Variants in DIS3L2 observed in about 807,000 individuals in gnomAD.
DIS3L2 encodes the protein DIS3-like exonuclease 2.
Under a neutral mutation model 97.5 loss-of-function variants are expected in DIS3L2, and 34 were observed. The ratio of observed to expected loss-of-function variants is 0.35; its 90% CI spans 0.27 to 0.46. The LOEUF (loss-of-function observed/expected upper bound fraction) is 0.46, where lower values mean the gene tolerates loss of function less well. Among genes scored for constraint, DIS3L2 ranks in the 20% least tolerant of loss-of-function variants. The pLI is 1.00. For synonymous variants in DIS3L2, 435 were observed against 445.2 expected (o/e 0.98, Z 0.29); for missense variants, 1,038 against 1,146.0 (o/e 0.91, Z 1.36).
At chr2:232,333,073 A>G (rs1695794799) in intron 16 of DIS3L2, among the ~76,000 whole-genome samples, 1 of 150,480 alleles carries the variant, frequency 6.6e-6, no homozygotes, top group African/African-American at 2.4e-5. Flanking sequence ...CCCTGGTCCA[A>G]CAAAACCGCA....
At chr2:232,253,521 G>T (rs1413765157) in intron 12 of DIS3L2, among the ~76,000 whole-genome samples, 1 of 152,162 alleles carries the variant, frequency 6.6e-6, no homozygotes, top group Non-Finnish European at 1.5e-5. Context: ...TAAAAAGACA[G>T]TTATTAATTC....
At chr2:232,170,175 G>C (rs1031875002) in intron 9 of DIS3L2, among the ~76,000 whole-genome samples, 3 of 152,150 alleles carry the variant, frequency 2.0e-5, no homozygotes, top group Admixed American at 1.3e-4. Context: ...CTGCTTAAAG[G>C]GGGGTTGCAC....
chr2:232,244,903 C>T (rs973313471), intron 11 of DIS3L2, among the ~76,000 whole-genome samples: 3 of 152,156 alleles, frequency 2.0e-5, no homozygotes, highest in Admixed American at 6.5e-5. Flanking sequence ...CACCTCCACA[C>T]GGCCCAGCAG....
intron 10 of DIS3L2, among the ~76,000 whole-genome samples, chr2:232,234,203 A>G (rs1692873384): frequency 6.6e-6 from 1 of 152,240 alleles, no homozygotes; most frequent in South Asian, 2.1e-4. Flanking sequence ...TAACTGGAAA[A>G]GTGACTGAAA....
chr2:232,336,184 G>C, intron 20 of DIS3L2: 1 of 1,533,556 alleles, frequency 6.5e-7, no homozygotes, highest in Non-Finnish European at 8.8e-7. Flanking sequence ...TTACACCCAA[G>C]AAATTGTCTG....
chr2:232,310,511 A>G (rs1337647842), intron 14 of DIS3L2, among the ~76,000 whole-genome samples: 1 of 152,216 alleles, frequency 6.6e-6, no homozygotes, highest in Non-Finnish European at 1.5e-5. Flanking sequence ...GTGGCTCTCT[A>G]TGCTCTGCTC....
chr2:232,205,907 A>G (rs1052528106), intron 9 of DIS3L2, among the ~76,000 whole-genome samples: 1 of 152,206 alleles, frequency 6.6e-6, no homozygotes, highest in African/African-American at 2.4e-5. Flanking sequence ...TACTGCATCA[A>G]CTTCCCCCAT....
chr2:232,259,720 G>A (rs190425616), intron 12 of DIS3L2: 14 of 152,320 alleles, frequency 9.2e-5, no homozygotes, highest in African/African-American at 3.4e-4. Context: ...CCAGACTCAA[G>A]CAATTCTCAT....
chr2:231,988,898 T>G (rs1693497758), intron 1 of DIS3L2, among the ~76,000 whole-genome samples: 1 of 152,244 alleles, frequency 6.6e-6, no homozygotes, highest in Non-Finnish European at 1.5e-5. Context: ...TTATTTGAAC[T>G]GATATGAACC....
intron 1 of DIS3L2, among the ~76,000 whole-genome samples, chr2:231,994,503 G>A (rs1036854659): frequency 6.6e-6 from 1 of 152,098 alleles, no homozygotes; most frequent in Non-Finnish European, 1.5e-5. Context: ...GTCTACTAGT[G>A]TCAACAGCTT....
intron 6 of DIS3L2, among the ~76,000 whole-genome samples, chr2:232,107,401 A>G (rs1481190418): frequency 6.6e-6 from 1 of 152,176 alleles, no homozygotes; most frequent in East Asian, 1.9e-4. Flanking sequence ...AAATACAATC[A>G]GAAATGATAA....
chr2:232,134,868 T>C (rs1270282851), intron 7 of DIS3L2, among the ~76,000 whole-genome samples: 1 of 145,256 alleles, frequency 6.9e-6, no homozygotes, highest in Non-Finnish European at 1.5e-5. Context: ...GTATTGTGTG[T>C]GCGCACACAC....
intron 13 of DIS3L2, chr2:232,343,298 A>G: frequency 6.6e-7 from 1 of 1,510,234 alleles, no homozygotes; most frequent in Non-Finnish European, 9.0e-7. Flanking sequence ...AGGCCTAGCC[A>G]CATGAAACCG....
intron 5 of DIS3L2, among the ~76,000 whole-genome samples, chr2:232,072,644 C>T (rs1696055744): frequency 6.6e-6 from 1 of 152,070 alleles, no homozygotes; most frequent in Non-Finnish European, 1.5e-5. Flanking sequence ...TGGGAATAGA[C>T]TGAAAGGAGG....
chr2:232,141,184 A>G (rs1489005595), intron 8 of DIS3L2, among the ~76,000 whole-genome samples: 1 of 150,136 alleles, frequency 6.7e-6, no homozygotes, highest in Non-Finnish European at 1.5e-5. Flanking sequence ...CCCTTTGGGA[A>G]ATCTGGTATC....
chr2:232,077,755 A>G (rs1365638090), intron 5 of DIS3L2, among the ~76,000 whole-genome samples: 1 of 152,148 alleles, frequency 6.6e-6, no homozygotes, highest in African/African-American at 2.4e-5. Context: ...TTGCAGGTCT[A>G]TGGAGAAACC....
chr2:232,002,571 T>C (rs1693937514), intron 1 of DIS3L2, among the ~76,000 whole-genome samples: 1 of 152,222 alleles, frequency 6.6e-6, no homozygotes. Context: ...TAAGTAGAGT[T>C]AGCATAATTT....
At chr2:231,962,224 T>C (rs1391616552) in intron 1 of DIS3L2, among the ~76,000 whole-genome samples, 1 of 152,028 alleles carries the variant, frequency 6.6e-6, no homozygotes, top group Non-Finnish European at 1.5e-5. Flanking sequence ...GTCCTTGACG[T>C]TTGCGCTTTC....
intron 5 of DIS3L2, among the ~76,000 whole-genome samples, chr2:232,060,127 C>T (rs992451847): frequency 6.6e-6 from 1 of 152,074 alleles, no homozygotes; most frequent in African/African-American, 2.4e-5. Flanking sequence ...ATATTTTCTC[C>T]ATTTTGTGGG....
Sources: allele counts gnomAD v4.1 joint callset (sites outside exome capture counted in the v4.1 genomes callset), GRCh38; gene constraint gnomAD v4.1.1; transcripts MANE v1.5; gene names NCBI Gene and HGNC (gene_info 2026-07-23, HGNC 2026-07-21).